FRMPD2: variants seen among roughly 807,000 people sequenced by gnomAD.
FRMPD2 encodes FERM and PDZ domain-containing protein 2.
In FRMPD2, 96 loss-of-function variants were observed where a neutral mutation model predicts 140.1. The observed-to-expected ratio is 0.69, with a 90% confidence interval of 0.58 to 0.81. The LOEUF (loss-of-function observed/expected upper bound fraction) is 0.81. Ranked by LOEUF, FRMPD2 falls within the 40% of genes least tolerant of loss-of-function variation. The pLI, the probability that FRMPD2 is intolerant of heterozygous loss-of-function variation, is 0.00. For synonymous variants in FRMPD2, 449 were observed against 547.6 expected (o/e 0.82, Z 2.52); for missense variants, 1,240 against 1,447.4 (o/e 0.86, Z 2.32).
At chr10:48,263,430 A>G (rs1840629167) in intron 1 of FRMPD2, among the ~76,000 whole-genome samples, 2 of 152,212 alleles carry the variant, frequency 1.3e-5, no homozygotes, top group Admixed American at 1.3e-4. Context: ...AGTAACCAAG[A>G]GAGAAAAAAA....
Position 48,211,999 on chromosome 10 carries a change from G to C in FRMPD2, c.1566C>G (p.Leu522=). ...CATCCTCTCCCCACAGTGCAGAGCT[G>C]AGCCGGTGCATCTCTGAGACTTCAA... ...VQVEVSEMHR[L]SSALWGEDAE... is the part of the protein sequence containing the mutation. The change falls in exon 13 of 29, where the codon CTC becomes CTG. Residue 522 remains leucine (L), a synonymous_variant. Coordinates refer to ENST00000374201, the MANE Select transcript of FRMPD2 (RefSeq NM_001018071.4). 1 of 1,614,092 alleles carries C rather than the reference G, an allele frequency of 6.2e-7. No individual in the cohort carries two copies. The highest frequency in any genetic ancestry group is 8.5e-7 in the Non-Finnish European group (1 of 1,179,996).
chr10:48,183,723 G>A (rs925766848), intron 20 of FRMPD2, among the ~76,000 whole-genome samples: 2 of 151,662 alleles, frequency 1.3e-5, no homozygotes, highest in South Asian at 2.1e-4. Flanking sequence ...GTGGCAGCGC[G>A]TGCCTGTAAT....
intron 4 of FRMPD2, 82 bp from the exon 5 acceptor site, chr10:48,242,434 G>A (rs1357530589): frequency 2.3e-6 from 3 of 1,287,642 alleles, no homozygotes; most frequent in East Asian, 4.7e-5. Context: ...GCAGGCCTTG[G>A]AGACATGGAA....
chr10:48,236,275 A>G (rs1223183563), intron 9 of FRMPD2, among the ~76,000 whole-genome samples: 1 of 152,174 alleles, frequency 6.6e-6, no homozygotes, highest in African/African-American at 2.4e-5. Context: ...AGCAGGACTC[A>G]GCTGGAAGTC....
chr10:48,215,792 G>C (rs1839433060), intron 12 of FRMPD2, among the ~76,000 whole-genome samples: 1 of 152,144 alleles, frequency 6.6e-6, no homozygotes, highest in Admixed American at 6.5e-5. Flanking sequence ...AAACTGGACG[G>C]GCACAGGAAA....
At chr10:48,181,882 T>C (rs1564417067) in intron 20 of FRMPD2, among the ~76,000 whole-genome samples, 1 of 17,134 alleles carries the variant, frequency 5.8e-5, no homozygotes, top group African/African-American at 1.9e-4. Flanking sequence ...TATATATGGC[T>C]CTCATACACA....
At chr10:48,208,248 A>C (rs1367511429) in intron 13 of FRMPD2, among the ~76,000 whole-genome samples, 5 of 152,238 alleles carry the variant, frequency 3.3e-5, no homozygotes, top group African/African-American at 1.2e-4. Context: ...AGCATTAATA[A>C]GTAGTCATTA....
intron 13 of FRMPD2, among the ~76,000 whole-genome samples, 166 bp from the exon 14 acceptor site, chr10:48,207,099 T>G (rs1438342146): frequency 6.6e-6 from 1 of 151,964 alleles, no homozygotes; most frequent in African/African-American, 2.4e-5. Flanking sequence ...TTATTTGCTA[T>G]GTACAAAATT....
chr10:48,210,134 G>C (rs1008511594), intron 13 of FRMPD2, among the ~76,000 whole-genome samples: 2 of 152,122 alleles, frequency 1.3e-5, no homozygotes, highest in Non-Finnish European at 2.9e-5. Context: ...GGGAGGGGGA[G>C]AAAACCTTTA....
chr10:48,174,820 T>C, intron 24 of FRMPD2, 50 bp downstream of exon 24: 1 of 707,030 alleles, frequency 1.4e-6, no homozygotes, highest in Non-Finnish European at 2.6e-6. Flanking sequence ...CTGATGTTGT[T>C]CAGGAAAGTT....
intron 1 of FRMPD2, among the ~76,000 whole-genome samples, chr10:48,259,641 T>C (rs955951066): frequency 1.3e-4 from 19 of 151,138 alleles, no homozygotes; most frequent in African/African-American, 4.4e-4. Flanking sequence ...TGTAAGTGTG[T>C]GTGTGTGTGT....
chr10:48,240,908 C>T (rs1316211109), intron 5 of FRMPD2, among the ~76,000 whole-genome samples: 1 of 152,238 alleles, frequency 6.6e-6, no homozygotes, highest in Non-Finnish European at 1.5e-5. Flanking sequence ...GCTTGTCTGT[C>T]TCCCCCAACA....
At chr10:48,251,259 T>C (rs1041336197) in intron 2 of FRMPD2, among the ~76,000 whole-genome samples, 1 of 152,216 alleles carries the variant, frequency 6.6e-6, no homozygotes, top group African/African-American at 2.4e-5. Flanking sequence ...ACTCTCTTCC[T>C]AAATCCTCCC....
intron 16 of FRMPD2, among the ~76,000 whole-genome samples, chr10:48,190,181 A>G (rs1838795026): frequency 1.3e-5 from 2 of 152,130 alleles, no homozygotes; most frequent in African/African-American, 2.4e-5. Context: ...TCAGACTTCA[A>G]CTGCAGTGGT....
At chr10:48,238,151 C>T in intron 7 of FRMPD2, 28 bp from the exon 8 acceptor site, 4 of 1,599,908 alleles carry the variant, frequency 2.5e-6, no homozygotes, top group Admixed American at 1.7e-5. Flanking sequence ...AGGGGTGAAG[C>T]ACTTAGCAAT....
At chr10:48,204,408 G>A (rs542229758) in intron 14 of FRMPD2, among the ~76,000 whole-genome samples, 4 of 152,234 alleles carry the variant, frequency 2.6e-5, no homozygotes, top group East Asian at 3.9e-4. Context: ...GCAAAGCTGC[G>A]TGTTTCATGC....
At chr10:48,184,449 A>G in intron 20 of FRMPD2, 117 bp downstream of exon 20, 1 of 670,490 alleles carries the variant, frequency 1.5e-6, no homozygotes, top group Non-Finnish European at 2.6e-6. Flanking sequence ...AGCCAACACC[A>G]TGAGGAAAGC....
intron 15 of FRMPD2, among the ~76,000 whole-genome samples, chr10:48,197,297 A>G (rs963123165): frequency 4.6e-5 from 7 of 152,144 alleles, no homozygotes; most frequent in African/African-American, 1.7e-4. Flanking sequence ...CTACTCTCAC[A>G]CTGAGCACAG....
intron 17 of FRMPD2, 46 bp from the exon 18 acceptor site, chr10:48,185,691 A>G (rs1465711055): frequency 7.0e-7 from 1 of 1,431,482 alleles, no homozygotes; most frequent in Non-Finnish European, 9.9e-7. Context: ...CCCCCAAATT[A>G]TTTGGGAGCT....
Sources: allele counts gnomAD v4.1 joint callset (sites outside exome capture counted in the v4.1 genomes callset), GRCh38; gene constraint gnomAD v4.1.1; transcripts MANE v1.5; gene names NCBI Gene and HGNC (gene_info 2026-07-23, HGNC 2026-07-21).